The following ARHGAP44 variants were observed in gnomAD, a reference collection of about 807,000 sequenced individuals.
ARHGAP44 encodes the protein Rho GTPase activating protein 44.
Under a neutral mutation model 106.8 loss-of-function variants are expected in ARHGAP44, and 43 were observed. The ratio of observed to expected loss-of-function variants is 0.40; its 90% CI spans 0.32 to 0.52. ARHGAP44 has a LOEUF of 0.52. ARHGAP44 is among the 20% of genes least tolerant of loss of function. The pLI is 0.48. For synonymous variants in ARHGAP44, 439 were observed against 410.3 expected, an observed-to-expected ratio of 1.07 and a Z score of -0.85; for missense variants, 866 against 1,050.5, an observed-to-expected ratio of 0.82 and a Z score of 2.43.
Position 12,915,981 on chromosome 17 carries a change from C to T in ARHGAP44, c.357C>T (p.Asp119=), listed in dbSNP as rs528343920. The change falls in exon 5 of 21, where the codon GAC becomes GAT. Residue 119 remains aspartate, a synonymous_variant. Coordinates refer to ENST00000379672, the MANE Select transcript of ARHGAP44 (RefSeq NM_014859.6). ...LIHFELQVER[D]VIEPLFLLAE... ...ATTTTGAGTTGCAAGTAGAGAGAGA[C>T]GTGATTGAGCCCCTGTTTTTGCTGG... 85 of 1,613,884 alleles carry T rather than the reference C, an allele frequency of 5.3e-5. No homozygotes were observed. In the South Asian group the frequency reaches 6.0e-4, roughly 11 times the overall value.
At chr17:12,874,736 A>C (rs1216497614) in intron 1 of ARHGAP44, among the ~76,000 whole-genome samples, 1 of 151,902 alleles carries the variant, frequency 6.6e-6, no homozygotes, top group Non-Finnish European at 1.5e-5. Context: ...CTGTCTTAAA[A>C]AAAAAAAAGG....
intron 12 of ARHGAP44, among the ~76,000 whole-genome samples, chr17:12,950,110 AAAC>A: frequency 6.6e-6 from 1 of 152,334 alleles, no homozygotes; most frequent in East Asian, 1.9e-4. Context: ...ATAAAAACGA[AAAC>A]AAACACCCAG....
intron 20 of ARHGAP44, chr17:12,988,940 A>AC (rs1293702108): frequency 6.7e-6 from 1 of 149,812 alleles, no homozygotes; most frequent in Non-Finnish European, 1.5e-5. Context: ...AAAAAAAAAA[A>AC]AAAAAAATTA....
At chr17:12,846,439 T>C (rs946696178) in intron 1 of ARHGAP44, among the ~76,000 whole-genome samples, 1 of 152,242 alleles carries the variant, frequency 6.6e-6, no homozygotes, top group Non-Finnish European at 1.5e-5. Flanking sequence ...AGACACATGC[T>C]GTACATACTT....
At chr17:12,893,408 ACAC>A (rs2037106809) in intron 1 of ARHGAP44, among the ~76,000 whole-genome samples, 1 of 152,098 alleles carries the variant, frequency 6.6e-6, no homozygotes, top group African/African-American at 2.4e-5. Flanking sequence ...GACTCCTTTG[ACAC>A]CACACCAATG....
Position 12,916,042 on chromosome 17 carries a change from A to G in ARHGAP44, c.387+31A>G, listed in dbSNP as rs2037900757. On this transcript the variant is annotated intron_variant, in intron 5 of 20. Transcript: ENST00000379672. ...CAGCAGGAGTGAGGCCAGGCCTGAA[A>G]GAGCAAGGAGGTACCGAACAGGAGC... 3.8e-6 allele frequency: 6 copies of G among 1,577,400 alleles called. No individual in the cohort carries two copies. The East Asian group carries it at 1.3e-4, about 35-fold the overall frequency.
At chr17:12,819,710 G>C (rs1265827972) in intron 1 of ARHGAP44, among the ~76,000 whole-genome samples, 1 of 151,814 alleles carries the variant, frequency 6.6e-6, no homozygotes, top group African/African-American at 2.4e-5. Context: ...GGACATTCAG[G>C]TGTCTCCTTT....
intron 1 of ARHGAP44, among the ~76,000 whole-genome samples, chr17:12,833,454 T>A (rs60615736): frequency 0.059 from 8,912 of 152,280 alleles, 394 homozygotes; most frequent in African/African-American, 0.13. Context: ...CCTTTCGTAC[T>A]TTATAGAATT....
intron 1 of ARHGAP44, among the ~76,000 whole-genome samples, chr17:12,863,341 C>T (rs1182514051): frequency 6.6e-6 from 1 of 151,852 alleles, no homozygotes; most frequent in African/African-American, 2.4e-5. Flanking sequence ...TCTAAAATTC[C>T]TTGACCTAGT....
rs370029519 is a variant in ARHGAP44 at position 12,853,138 on chromosome 17, T to C, written c.54-41802T>C. Reference sequence around the variant, plus strand: ...AGTCCCGAATACAGCCTTCACTCTGTGGCCAAAGGCCTGAGAGCCCCTGGC... The same window carrying C: ...AGTCCCGAATACAGCCTTCACTCTGCGGCCAAAGGCCTGAGAGCCCCTGGC... On this transcript the variant is annotated intron_variant, in intron 1 of 20. Transcript: ENST00000379672. Among the ~76,000 whole-genome samples, 5 of 152,178 alleles carry C rather than the reference T, an allele frequency of 3.3e-5. No homozygotes were observed. In the East Asian group the frequency reaches 9.6e-4, roughly 29 times the overall value.
chr17:12,925,976 C>T (rs567848111), intron 6 of ARHGAP44, among the ~76,000 whole-genome samples: 36 of 152,302 alleles, frequency 2.4e-4, no homozygotes, highest in African/African-American at 8.2e-4. Flanking sequence ...GTACAAAACT[C>T]GTCTGTTCAC....
At chr17:12,964,146 G>A (rs548411213) in intron 16 of ARHGAP44, among the ~76,000 whole-genome samples, 1 of 152,252 alleles carries the variant, frequency 6.6e-6, no homozygotes, top group African/African-American at 2.4e-5. Context: ...TGTTTTTAGT[G>A]TCTTTTTTGT....
At chr17:12,891,661 A>G (rs1316810730) in intron 1 of ARHGAP44, among the ~76,000 whole-genome samples, 1 of 152,210 alleles carries the variant, frequency 6.6e-6, no homozygotes, top group East Asian at 1.9e-4. Context: ...CCACAGGAGT[A>G]TAGTTGAGAT....
In ARHGAP44 at chr17:12,789,712, C is replaced by A. The variant is rs2033670892; in HGVS notation, c.-127C>A. The A allele has an allele frequency of 1.2e-6, 1 of 826,286 alleles. No homozygotes were observed. The highest frequency in any genetic ancestry group is 1.7e-6 in the Non-Finnish European group (1 of 601,028). 51.2% of individuals were successfully genotyped at this position (826,286 alleles called of 1,614,324 possible). A position where few individuals can be genotyped will look rare whatever the true frequency, so the allele number is the denominator to read the frequency against. On this transcript the variant is annotated 5_prime_UTR_variant, in exon 1 of 21. Coordinates refer to ENST00000379672, the MANE Select transcript of ARHGAP44 (RefSeq NM_014859.6). Reference sequence around the variant, plus strand: ...GAGCTGCGCGCGGGCCAGACGGCGCCCGGAGGCTCCGCAGTGCCGCCGCCG... The same window carrying A: ...GAGCTGCGCGCGGGCCAGACGGCGCACGGAGGCTCCGCAGTGCCGCCGCCG...
Position 12,903,368 on chromosome 17 carries a change from T to A in ARHGAP44, c.199-5529T>A, listed in dbSNP as rs1393876576. 4.6e-5 allele frequency among the ~76,000 whole-genome samples: 7 copies of A among 152,242 alleles called. No individual in the cohort carries two copies. The East Asian group carries it at 7.7e-4, about 17-fold the overall frequency. ...TTAATTCTCAAGGTTCTATCTGCAT[T>A]CTAGAGCTAGGGAGAAAAATTATTT... On this transcript the variant is annotated intron_variant, in intron 3 of 20. Coordinates refer to ENST00000379672, the MANE Select transcript of ARHGAP44 (RefSeq NM_014859.6).
intron 2 of ARHGAP44, 50 bp from the exon 3 acceptor site, chr17:12,896,357 C>T (rs1246716528): frequency 1.3e-6 from 2 of 1,494,542 alleles, no homozygotes; most frequent in Non-Finnish European, 1.8e-6. Context: ...AATCCCTCCT[C>T]CCCTGACCTT....
chr17:12,956,400 G>T (rs1204334201), intron 14 of ARHGAP44, among the ~76,000 whole-genome samples: 1 of 152,186 alleles, frequency 6.6e-6, no homozygotes, highest in Non-Finnish European at 1.5e-5. Context: ...GGAGGGAGGA[G>T]AATCACACCT....
At chr17:12,940,443 A>G (rs544052203) in intron 7 of ARHGAP44, among the ~76,000 whole-genome samples, 20 of 152,326 alleles carry the variant, frequency 1.3e-4, no homozygotes, top group African/African-American at 4.8e-4. Flanking sequence ...ACCCAATCTC[A>G]TGGACAACTG....
At chr17:12,798,254 G>A (rs1398964384) in intron 1 of ARHGAP44, among the ~76,000 whole-genome samples, 3 of 152,120 alleles carry the variant, frequency 2.0e-5, no homozygotes, top group Admixed American at 1.3e-4. Context: ...ATGGCAATAT[G>A]TGGGCATTCA....
Sources: gnomAD v4.1 joint callset for allele counts (sites outside exome capture counted in the v4.1 genomes callset) on GRCh38, gnomAD v4.1.1 for gene constraint, MANE v1.5 for transcripts, NCBI Gene and HGNC (gene_info 2026-07-23, HGNC 2026-07-21) for gene names.